Variants in LRRC4C observed in about 807,000 individuals in gnomAD.
LRRC4C encodes the protein leucine-rich repeat-containing protein 4C.
A neutral mutation model predicts 33.6 loss-of-function variants in LRRC4C; 5 were observed. The observed-to-expected ratio is 0.15, with a 90% CI of 0.08 to 0.31. The LOEUF is 0.31. Among genes scored for constraint, LRRC4C ranks in the 10% least tolerant of loss-of-function variants. LRRC4C has a pLI of 1.00. For synonymous variants in LRRC4C, 329 were observed against 302.0 expected (o/e 1.09, Z -0.93); for missense variants, 560 against 796.7 (o/e 0.70, Z 3.58).
intron 3 of LRRC4C, among the ~76,000 whole-genome samples, chr11:40,385,588 G>A (rs1485553200): frequency 1.3e-5 from 2 of 152,080 alleles, no homozygotes; most frequent in Non-Finnish European, 2.9e-5. Context: ...CTTAGAGGCT[G>A]GGTGCGGTAG....
chr11:40,336,976 CAAAAAAAAAAAAAAAA>C (rs34144874), intron 3 of LRRC4C, among the ~76,000 whole-genome samples: 11 of 79,268 alleles, frequency 1.4e-4, no homozygotes, highest in Admixed American at 2.9e-4. Context: ...GACTTCGTCT[CAAAAAAAAAAAAAAAA>C]AAAAAAAAAA....
chr11:41,157,561 T>C (rs1014032194), intron 1 of LRRC4C, among the ~76,000 whole-genome samples: 1 of 152,132 alleles, frequency 6.6e-6, no homozygotes, highest in African/African-American at 2.4e-5. Context: ...CAAAATTATG[T>C]TTGGGCTGCT....
At chr11:40,911,434 G>C (rs562755612) in intron 2 of LRRC4C, among the ~76,000 whole-genome samples, 1 of 152,240 alleles carries the variant, frequency 6.6e-6, no homozygotes, top group East Asian at 1.9e-4. Context: ...CCAGGCAAAT[G>C]GGGTCTGGAG....
chr11:40,567,992 C>T (rs1957833313), intron 3 of LRRC4C, among the ~76,000 whole-genome samples: 1 of 152,154 alleles, frequency 6.6e-6, no homozygotes, highest in Admixed American at 6.5e-5. Flanking sequence ...CAGAATAACC[C>T]ATTTCTTCAC....
chr11:40,190,081 G>A lies in LRRC4C; in HGVS notation c.-95-49228C>T, dbSNP rs1375165000. Reference sequence around the variant, plus strand: ...AGACTCACCTGCTTTTTCTGTTAAAGTGAAAAAAAGCTGCAGTTTTCAGCA... The same window carrying A: ...AGACTCACCTGCTTTTTCTGTTAAAATGAAAAAAAGCTGCAGTTTTCAGCA... On this transcript the variant is annotated intron_variant, in intron 5 of 6. Transcript: ENST00000528697. 2.0e-5 allele frequency among the ~76,000 whole-genome samples: 3 copies of A among 152,154 alleles called. No homozygotes were observed. The South Asian group carries it at 6.2e-4, about 32-fold the overall frequency.
At chr11:40,479,053 A>C (rs560388646) in intron 3 of LRRC4C, among the ~76,000 whole-genome samples, 1 of 152,254 alleles carries the variant, frequency 6.6e-6, no homozygotes. Context: ...TTATATATTT[A>C]TTAGTGAGAG....
chr11:41,164,418 T>C (rs1409810082), intron 1 of LRRC4C, among the ~76,000 whole-genome samples: 1 of 152,160 alleles, frequency 6.6e-6, no homozygotes, highest in Non-Finnish European at 1.5e-5. Context: ...GGCTGTTTTA[T>C]AGTTACCTTT....
rs1324304212 is a variant in LRRC4C, at chr11:40,685,822, CAGAG to C, written c.-406-37548_-406-37545del. ...GTACACATATATGTGTATACAAACA[CAGAG>C]AGAGAGAGGAAGAATGGGAAGATTT... is the stretch of plus-strand genomic sequence containing the variant. On this transcript the variant is annotated intron_variant, in intron 2 of 6. Transcript: ENST00000528697. Among the ~76,000 whole-genome samples the C allele has an allele frequency of 2.6e-5, 4 of 151,386 alleles. No homozygotes were observed. In the East Asian group the frequency reaches 5.8e-4, roughly 22 times the overall value.
chr11:41,165,726 A>G (rs1380208096), intron 1 of LRRC4C, among the ~76,000 whole-genome samples: 1 of 152,100 alleles, frequency 6.6e-6, no homozygotes, highest in Non-Finnish European at 1.5e-5. Context: ...AATATCTTCT[A>G]GTTTGTAAAA....
At chr11:40,869,735 C>T (rs570960035) in intron 2 of LRRC4C, among the ~76,000 whole-genome samples, 4 of 152,190 alleles carry the variant, frequency 2.6e-5, no homozygotes, top group East Asian at 1.9e-4. Context: ...GGAGAAGGGA[C>T]GCAAGAACCT....
At chr11:41,281,059 TCTCTCTCTCTCTCTCTGTC>T (rs1242757300) in intron 1 of LRRC4C, among the ~76,000 whole-genome samples, 1 of 134,158 alleles carries the variant, frequency 7.5e-6, no homozygotes, top group Non-Finnish European at 1.6e-5. Context: ...TCTCTCTCTC[TCTCTCTCTCTCTCTCTGTC>T]CTCTCTCTCT....
At chr11:40,754,549 G>A (rs756162940) in intron 2 of LRRC4C, among the ~76,000 whole-genome samples, 2 of 152,016 alleles carry the variant, frequency 1.3e-5, no homozygotes, top group Non-Finnish European at 2.9e-5. Flanking sequence ...AATCAGCCAG[G>A]TAGCTTCCAT....
At chr11:40,519,650 G>A (rs934442295) in intron 3 of LRRC4C, among the ~76,000 whole-genome samples, 5 of 152,080 alleles carry the variant, frequency 3.3e-5, no homozygotes, top group Non-Finnish European at 7.4e-5. Flanking sequence ...AGGCTGTTTT[G>A]CTTTTGGTGG....
At position 40,492,133 on chromosome 11, in the gene LRRC4C, T is replaced by A. The variant is rs187753041; in HGVS notation, c.-270+156009A>T. Among the ~76,000 whole-genome samples, 54 of 152,338 alleles carry A rather than the reference T, an allele frequency of 3.5e-4. 1 individual carries two copies. The East Asian group carries it at 9.8e-3, about 28-fold the overall frequency. On this transcript the variant is annotated intron_variant, in intron 3 of 6. Transcript: ENST00000528697. Reference sequence around the variant, plus strand: ...GTTAGTAAGCAACTTGTTACACATATAATTGCAAGTGTTTACTAAATATGC... The same window carrying A: ...GTTAGTAAGCAACTTGTTACACATAAAATTGCAAGTGTTTACTAAATATGC...
At chr11:40,933,841 A>G (rs1957744480) in intron 1 of LRRC4C, 118 bp from the exon 2 acceptor site, 1 of 152,238 alleles carries the variant, frequency 6.6e-6, no homozygotes, top group African/African-American at 2.4e-5. Context: ...GGAATAATTT[A>G]TATTTCTCTA....
At chr11:41,110,814 T>C (rs186341708) in intron 1 of LRRC4C, among the ~76,000 whole-genome samples, 8 of 152,182 alleles carry the variant, frequency 5.3e-5, no homozygotes, top group African/African-American at 1.9e-4. Flanking sequence ...GGAGCACTTT[T>C]TTCAAATTCA....
intron 3 of LRRC4C, among the ~76,000 whole-genome samples, chr11:40,362,305 G>A (rs1156308647): frequency 2.6e-5 from 4 of 151,854 alleles, no homozygotes; most frequent in Admixed American, 6.6e-5. Flanking sequence ...CAAAAGAAAC[G>A]ATGAATGGAG....
At chr11:41,158,763 T>G (rs1944340338) in intron 1 of LRRC4C, among the ~76,000 whole-genome samples, 1 of 152,018 alleles carries the variant, frequency 6.6e-6, no homozygotes. Context: ...TCTACAATTA[T>G]CAAATGTTTG....
chr11:40,786,587 G>A (rs543896758), intron 2 of LRRC4C, among the ~76,000 whole-genome samples: 1 of 152,206 alleles, frequency 6.6e-6, no homozygotes, highest in South Asian at 2.1e-4. Flanking sequence ...AAAGCTGATC[G>A]CTACTACCAC....
Sources: gnomAD v4.1 joint callset for allele counts (sites outside exome capture counted in the v4.1 genomes callset) on GRCh38, gnomAD v4.1.1 for gene constraint, MANE v1.5 for transcripts, NCBI Gene and HGNC (gene_info 2026-07-23, HGNC 2026-07-21) for gene names.